Variants in IGSF21 observed in about 807,000 individuals in gnomAD.
IGSF21 encodes the protein immunoglobulin superfamily member 21.
In IGSF21, 28 loss-of-function variants were observed where a neutral mutation model predicts 46.8. The observed-to-expected ratio is 0.60, with a 90% CI of 0.44 to 0.82. The LOEUF (loss-of-function observed/expected upper bound fraction) is 0.82, where lower values mean the gene tolerates loss of function less well. Ranked by LOEUF, IGSF21 falls within the 40% of genes least tolerant of loss-of-function variation. The probability of loss-of-function intolerance (pLI) is 0.00; values close to 1 mark genes in which losing one functional copy is unlikely to be tolerated. For missense variants in IGSF21, 624 were observed against 665.5 expected (o/e 0.94, Z 0.69); for synonymous variants, 284 against 273.6 (o/e 1.04, Z -0.38).
chr1:18,191,562 G>A (rs1360124220), intron 1 of IGSF21, among the ~76,000 whole-genome samples: 1 of 152,034 alleles, frequency 6.6e-6, no homozygotes, highest in Non-Finnish European at 1.5e-5. Flanking sequence ...CGGTCTGCTG[G>A]GCAGGGGATA....
Position 18,109,014 on chromosome 1 carries a change from G to GTGTC in IGSF21, c.70+817_70+818insGTCT, listed in dbSNP as rs2086117370. Among the ~76,000 whole-genome samples, 1 of 151,408 alleles carries GTGTC rather than the reference G, an allele frequency of 6.6e-6. No homozygotes were observed. The highest frequency in any genetic ancestry group is 1.5e-5 in the Non-Finnish European group (1 of 67,800). ...TGTGTGTGTGTGTGTGTGTGTGTGT[G>GTGTC]TCCCGCCGTGTGGACTTGCTCCCGG... is the stretch of plus-strand genomic sequence containing the variant. On this transcript the variant is annotated intron_variant, in intron 1 of 9. Coordinates refer to ENST00000251296, the MANE Select transcript of IGSF21 (RefSeq NM_032880.5). This position sits in a 1 kb window ranked among gnomAD's most constrained non-coding sequence, Gnocchi z 4.8.
intron 2 of IGSF21, among the ~76,000 whole-genome samples, chr1:18,228,609 C>T (rs1279253724): frequency 6.6e-6 from 1 of 152,178 alleles, no homozygotes; most frequent in Non-Finnish European, 1.5e-5. Context: ...TGAGTGAAAT[C>T]TTCTTGTGTC....
intron 1 of IGSF21, among the ~76,000 whole-genome samples, chr1:18,146,197 G>T (rs1476558769): frequency 1.3e-5 from 2 of 152,318 alleles, no homozygotes; most frequent in African/African-American, 2.4e-5. Context: ...CTCTCCATTA[G>T]TTTCCGAATT....
chr1:18,143,629 T>C (rs905475522), intron 1 of IGSF21, among the ~76,000 whole-genome samples: 1 of 152,142 alleles, frequency 6.6e-6, no homozygotes, highest in African/African-American at 2.4e-5. Context: ...CTGGCTGGAC[T>C]TTCAGAGGCT....
chr1:18,295,789 C>T (rs571268712), intron 3 of IGSF21, among the ~76,000 whole-genome samples: 19 of 152,292 alleles, frequency 1.2e-4, no homozygotes, highest in Admixed American at 2.0e-4. Flanking sequence ...TGAGAAGTGC[C>T]GGGGAGTTGA....
intron 2 of IGSF21, among the ~76,000 whole-genome samples, chr1:18,280,936 G>A (rs2085152762): frequency 1.3e-5 from 2 of 152,174 alleles, no homozygotes; most frequent in Admixed American, 1.3e-4. Context: ...CCCTGGCAGA[G>A]CTCCCCGGCC....
At chr1:18,135,614 G>A (rs552346209) in intron 1 of IGSF21, among the ~76,000 whole-genome samples, 1,817 of 152,202 alleles carry the variant, frequency 0.012, 35 homozygotes, top group African/African-American at 0.041. Flanking sequence ...TGGCTGCATA[G>A]TATTCCATGG....
chr1:18,213,052 C>T (rs1276676324), intron 1 of IGSF21, among the ~76,000 whole-genome samples: 2 of 152,138 alleles, frequency 1.3e-5, no homozygotes, highest in East Asian at 3.9e-4. Flanking sequence ...CTTTCTCTTC[C>T]CTGGGCCTTG....
intron 2 of IGSF21, among the ~76,000 whole-genome samples, chr1:18,251,111 A>G (rs2084837323): frequency 6.6e-6 from 1 of 152,136 alleles, no homozygotes; most frequent in Non-Finnish European, 1.5e-5. Flanking sequence ...AAGGGATTAG[A>G]CTGTGTTCTT....
chr1:18,196,353 G>A (rs1296339994), intron 1 of IGSF21, among the ~76,000 whole-genome samples: 2 of 152,124 alleles, frequency 1.3e-5, no homozygotes, highest in African/African-American at 4.8e-5. Flanking sequence ...TGACCTGCAG[G>A]ACTCCATCTG....
At chr1:18,225,526 A>G (rs2084558068) in intron 1 of IGSF21, among the ~76,000 whole-genome samples, 1 of 152,244 alleles carries the variant, frequency 6.6e-6, no homozygotes, top group South Asian at 2.1e-4. Flanking sequence ...CTGCTCAAAG[A>G]TTTATGCATC....
chr1:18,151,700 T>A (rs889391338), intron 1 of IGSF21, among the ~76,000 whole-genome samples: 2 of 151,704 alleles, frequency 1.3e-5, no homozygotes, highest in African/African-American at 4.8e-5. Flanking sequence ...GGACCACAAC[T>A]GACTCACACA....
In IGSF21 at chr1:18,148,575, A is replaced by T. The variant is rs149435242; in HGVS notation, c.70+40377A>T. ...CAGGCAGTCCAGCTTCAGCGTCTAGACTCTGGACCACAACACTAGGCTGTA... is the reference window on the plus strand; with the variant it reads ...CAGGCAGTCCAGCTTCAGCGTCTAGTCTCTGGACCACAACACTAGGCTGTA... On this transcript the variant is annotated intron_variant, in intron 1 of 9. Coordinates refer to ENST00000251296, the MANE Select transcript of IGSF21 (RefSeq NM_032880.5). 6.1e-3 allele frequency among the ~76,000 whole-genome samples: 924 copies of T among 152,180 alleles called. 9 individuals carry two copies. The highest frequency in any genetic ancestry group is 0.022 in the African/African-American group (894 of 41,524).
intron 1 of IGSF21, among the ~76,000 whole-genome samples, chr1:18,169,247 G>A (rs1301583189): frequency 2.6e-5 from 4 of 152,226 alleles, no homozygotes; most frequent in Non-Finnish European, 4.4e-5. Flanking sequence ...GCCCATCTGC[G>A]AAGTAGCTTT....
rs554942389 is a variant in IGSF21 at position 18,334,956 on chromosome 1, G to A, written c.370G>A (p.Ala124Thr). ...YECHVGIYDRATREKVVLASG... is the reference protein window; with the variant it reads ...YECHVGIYDRTTREKVVLASG... ...GTGCCATGTGGGCATCTACGACCGC[G>A]CCACCAGGGAGAAGGTGGTCCTGGC... The change falls in exon 4 of 10, where the codon GCC becomes ACC. Residue 124 changes from alanine to threonine, a missense_variant. Physicochemically the swap from Ala to Thr is moderately conservative, Grantham distance 58. Coordinates refer to ENST00000251296, the MANE Select transcript of IGSF21 (RefSeq NM_032880.5). This position sits in a 1 kb window ranked among gnomAD's most constrained non-coding sequence, Gnocchi z 4.3. 34 of 1,614,142 alleles carry A rather than the reference G, an allele frequency of 2.1e-5. No homozygotes were observed. Among genetic ancestry groups the A allele is most frequent in the South Asian group, 4.4e-5 (4 of 91,076 alleles).
At chr1:18,168,134 C>T (rs763589251) in intron 1 of IGSF21, among the ~76,000 whole-genome samples, 13 of 152,140 alleles carry the variant, frequency 8.5e-5, no homozygotes, top group Non-Finnish European at 1.9e-4. Flanking sequence ...GGTGAAGACA[C>T]GTTAAACCCT....
intron 2 of IGSF21, among the ~76,000 whole-genome samples, chr1:18,286,545 A>T (rs1460839403): frequency 6.6e-6 from 1 of 152,236 alleles, no homozygotes; most frequent in Non-Finnish European, 1.5e-5. Flanking sequence ...TTTCCTGCAC[A>T]GAATATCATT....
At chr1:18,362,740 G>A (rs1391919186) in intron 5 of IGSF21, among the ~76,000 whole-genome samples, 1 of 152,174 alleles carries the variant, frequency 6.6e-6, no homozygotes, top group East Asian at 1.9e-4. Context: ...AGGGAGAAAG[G>A]GAGGGAAGAG....
At chr1:18,209,651 A>C in intron 1 of IGSF21, among the ~76,000 whole-genome samples, 1 of 145,118 alleles carries the variant, frequency 6.9e-6, no homozygotes, top group African/African-American at 2.6e-5. Context: ...TAGTAGAGAC[A>C]GGGTTTCACT....
Sources: allele counts gnomAD v4.1 joint callset (sites outside exome capture counted in the v4.1 genomes callset), GRCh38; gene constraint gnomAD v4.1.1; non-coding constraint Gnocchi (gnomAD v3.1); transcripts MANE v1.5; gene names NCBI Gene and HGNC (gene_info 2026-07-23, HGNC 2026-07-21).